PDE4D: variants seen among roughly 807,000 people sequenced by gnomAD.
The protein encoded by PDE4D is 3',5'-cyclic-AMP phosphodiesterase 4D.
Under a neutral mutation model 87.4 loss-of-function variants are expected in PDE4D, and 24 were observed. That is an observed-to-expected ratio of 0.27 (90% CI 0.20 to 0.39). The LOEUF (loss-of-function observed/expected upper bound fraction) is 0.39. Ranked by LOEUF, PDE4D falls within the 10% of genes least tolerant of loss-of-function variation. The pLI, the probability that PDE4D is intolerant of heterozygous loss-of-function variation, is 1.00. For synonymous variants in PDE4D, 384 were observed against 383.2 expected, an observed-to-expected ratio of 1.00 and a Z score of -0.02; for missense variants, 714 against 1,041.0, an observed-to-expected ratio of 0.69 and a Z score of 4.32.
chr5:60,374,687 CT>C (rs1761298082), intron 1 of PDE4D, among the ~76,000 whole-genome samples: 1 of 152,108 alleles, frequency 6.6e-6, no homozygotes, highest in Non-Finnish European at 1.5e-5. Context: ...TATCATATCT[CT>C]TCTCCAAATA....
chr5:60,068,784 T>C (rs1330654431), intron 2 of PDE4D, among the ~76,000 whole-genome samples: 3 of 152,078 alleles, frequency 2.0e-5, no homozygotes, highest in Non-Finnish European at 4.4e-5. Context: ...TAATTTTTTG[T>C]AGAGACAAGG....
rs1306167525 is a variant in PDE4D, at chr5:59,150,358, T to G, written c.808+30237A>C. On this transcript the variant is annotated intron_variant, in intron 5 of 14. Transcript: ENST00000340635. ...TCAAAAGATCCATTCTGACAGACTT[T>G]TTATTTTCCCATAAAATTCCAGGAG... 2.0e-5 allele frequency among the ~76,000 whole-genome samples: 3 copies of G among 152,304 alleles called. No homozygotes were observed. The East Asian group carries it at 5.8e-4, about 29-fold the overall frequency.
chr5:60,209,301 G>A lies in PDE4D; in HGVS notation c.-89-23614C>T, dbSNP rs114432497. On this transcript the variant is annotated intron_variant, in intron 1 of 16. Coordinates refer to the PDE4D transcript ENST00000502484. The stretch of plus-strand genomic sequence containing the variant: ...TTAATCAGGAAATTCCTAATGATAC[G>A]TAGCTTCCCGTTTTCCAGAGACAAA... Among the ~76,000 whole-genome samples the A allele has an allele frequency of 8.5e-3, 1,232 of 144,602 alleles. 20 individuals are homozygous for A. Among genetic ancestry groups the A allele is most frequent in the African/African-American group, 0.031 (1,189 of 38,930 alleles). The allele number at this position is 144,602 out of a possible 152,430, so 94.9% of individuals were successfully genotyped here.
intron 1 of PDE4D, among the ~76,000 whole-genome samples, chr5:60,351,796 T>A (rs1759221829): frequency 7.5e-6 from 1 of 133,040 alleles, no homozygotes; most frequent in Non-Finnish European, 1.5e-5. Context: ...TTTATTTATT[T>A]ATTTATTTAT....
At position 59,725,034 on chromosome 5, in the gene PDE4D, A is replaced by T. The variant is rs192265809; in HGVS notation, c.455+168134T>A. ...AAAATTCAGGATAATAATGGCTGCC[A>T]TGAAATAGTTTAATTGGACCTTAAG... On this transcript the variant is annotated intron_variant, in intron 1 of 14. Coordinates refer to ENST00000340635, the MANE Select transcript of PDE4D (RefSeq NM_001104631.2). Among the ~76,000 whole-genome samples, 583 of 152,160 alleles carry T rather than the reference A, an allele frequency of 3.8e-3. 1 individual carries two copies. Among genetic ancestry groups the T allele is most frequent in the Admixed American group, 6.7e-3 (103 of 15,264 alleles).
At chr5:60,164,634 G>C (rs1322384021) in intron 2 of PDE4D, among the ~76,000 whole-genome samples, 1 of 152,154 alleles carries the variant, frequency 6.6e-6, no homozygotes, top group African/African-American at 2.4e-5. Flanking sequence ...ATGAAAACTT[G>C]CTCACAGAAT....
chr5:59,304,511 A>G (rs1366139544), intron 1 of PDE4D, among the ~76,000 whole-genome samples: 1 of 151,786 alleles, frequency 6.6e-6, no homozygotes, highest in Admixed American at 6.6e-5. Flanking sequence ...TTCCCCATTC[A>G]GTATTACGTT....
At chr5:60,301,431 T>C (rs1222619161) in intron 1 of PDE4D, among the ~76,000 whole-genome samples, 4 of 152,196 alleles carry the variant, frequency 2.6e-5, no homozygotes, top group Non-Finnish European at 2.9e-5. Context: ...TCACTTCCCT[T>C]GCTAGCTGTA....
rs140414192 is a variant in PDE4D, at chr5:60,296,965, T to A, written c.-89-111278A>T. Among the ~76,000 whole-genome samples, 1,837 of 151,962 alleles carry A rather than the reference T, an allele frequency of 0.012. 63 individuals are homozygous for A. The East Asian group carries it at 0.13, about 11-fold the overall frequency. On this transcript the variant is annotated intron_variant, in intron 1 of 16. Transcript: ENST00000502484. ...GGGAGGTGGGGGGCAAGGGGAGGGA[T>A]GGCATTAGGAGAAATACCTAATGTA...
At chr5:59,648,458 T>C (rs1051780586) in intron 1 of PDE4D, among the ~76,000 whole-genome samples, 2 of 152,218 alleles carry the variant, frequency 1.3e-5, no homozygotes, top group Non-Finnish European at 2.9e-5. Flanking sequence ...GATACCTTAG[T>C]TACCAAAATA....
chr5:60,027,030 G>T (rs761748371), intron 2 of PDE4D, among the ~76,000 whole-genome samples: 2 of 152,050 alleles, frequency 1.3e-5, no homozygotes, highest in Non-Finnish European at 2.9e-5. Context: ...GAGAAGTTTA[G>T]TCATACCCTC....
At chr5:59,967,142 G>A (rs1760137649) in intron 3 of PDE4D, among the ~76,000 whole-genome samples, 1 of 152,064 alleles carries the variant, frequency 6.6e-6, no homozygotes, top group Admixed American at 6.6e-5. Flanking sequence ...CATAATCGGA[G>A]TCAGCTTATG....
chr5:60,449,347 C>T (rs1192953535), intron 1 of PDE4D, among the ~76,000 whole-genome samples: 2 of 151,874 alleles, frequency 1.3e-5, no homozygotes, highest in African/African-American at 4.8e-5. Flanking sequence ...TATTCTCTCT[C>T]TTCATAATAA....
chr5:60,090,004 G>A (rs971826442), intron 2 of PDE4D, among the ~76,000 whole-genome samples: 1 of 151,988 alleles, frequency 6.6e-6, no homozygotes, highest in Non-Finnish European at 1.5e-5. Context: ...CCAGTAATGA[G>A]TATGAGACTG....
intron 1 of PDE4D, chr5:60,429,766 A>G: frequency 3.6e-6 from 1 of 276,666 alleles, no homozygotes; most frequent in South Asian, 3.6e-5. Flanking sequence ...AATCACATTT[A>G]TTGATTTGCA....
intron 1 of PDE4D, among the ~76,000 whole-genome samples, chr5:59,675,739 G>A (rs1245613610): frequency 6.6e-6 from 1 of 150,804 alleles, no homozygotes; most frequent in Non-Finnish European, 1.5e-5. Context: ...ACCCAGGCTG[G>A]AGTGCAGTGG....
chr5:59,582,895 T>TA (rs1386649220), intron 1 of PDE4D, among the ~76,000 whole-genome samples: 1 of 152,094 alleles, frequency 6.6e-6, no homozygotes, highest in Admixed American at 6.6e-5. Flanking sequence ...AAGCACCAAA[T>TA]AAGCAAATCA....
At position 60,357,333 on chromosome 5, in the gene PDE4D, G is replaced by C. The variant is rs986148918; in HGVS notation, c.-90+130609C>G. On this transcript the variant is annotated intron_variant, in intron 1 of 16. Transcript: ENST00000502484. ...ATTGTATTTATGAATGCAGAACCAA[G>C]CTGTGCAGTGAATTCACTTTTAAAC... Among the ~76,000 whole-genome samples the C allele has an allele frequency of 5.9e-5, 9 of 152,144 alleles. No individual in the cohort carries two copies. In the East Asian group the frequency reaches 1.7e-3, roughly 29 times the overall value.
At chr5:60,241,202 A>G (rs1747068483) in intron 1 of PDE4D, among the ~76,000 whole-genome samples, 1 of 152,018 alleles carries the variant, frequency 6.6e-6, no homozygotes, top group African/African-American at 2.4e-5. Flanking sequence ...AGAATCAAAT[A>G]GAAATTCTGG....
Sources: allele counts gnomAD v4.1 joint callset (sites outside exome capture counted in the v4.1 genomes callset), GRCh38; gene constraint gnomAD v4.1.1; transcripts MANE v1.5; gene names NCBI Gene and HGNC (gene_info 2026-07-23, HGNC 2026-07-21).